The following WT1 variants were observed in gnomAD, a reference collection of about 807,000 sequenced individuals.
WT1 encodes WT1 transcription factor, also known as Wilms tumor protein.
A neutral mutation model predicts 60.8 loss-of-function variants in WT1; 8 were observed. The ratio of observed to expected loss-of-function variants is 0.13; its 90% CI spans 0.08 to 0.24. The LOEUF (loss-of-function observed/expected upper bound fraction) is 0.24. WT1 is among the 10% of genes least tolerant of loss of function. The pLI, the probability that WT1 is intolerant of heterozygous loss-of-function variation, is 1.00. For synonymous variants in WT1, 312 were observed against 297.1 expected (o/e 1.05, Z -0.52); for missense variants, 568 against 711.8 (o/e 0.80, Z 2.30).
rs5030277 is a variant in WT1 at position 32,396,123 on chromosome 11, A to T, written c.1264+134T>A. 198,949 of 1,288,948 alleles carry T rather than the reference A, an allele frequency of 0.15. 22,395 individuals carry two copies. The highest frequency in any genetic ancestry group is 0.6 in the East Asian group (24,976 of 41,502). 79.8% of individuals were successfully genotyped at this position (1,288,948 alleles called of 1,614,324 possible). A position where few individuals can be genotyped will look rare whatever the true frequency, so the allele number is the denominator to read the frequency against. ...AAAATGGCCCCACAGCCTCTTTACAACACCTGGATCAGACCTTTCAAAGCA... is the reference window on the plus strand; with the variant it reads ...AAAATGGCCCCACAGCCTCTTTACATCACCTGGATCAGACCTTTCAAAGCA... On this transcript the variant is annotated intron_variant, in intron 7 of 9. Transcript: ENST00000452863.
At chr11:32,391,341 C>T (rs553220095) in intron 9 of WT1, among the ~76,000 whole-genome samples, 6 of 152,314 alleles carry the variant, frequency 3.9e-5, no homozygotes, top group South Asian at 2.1e-4. Context: ...TAAATATTAA[C>T]GCTCTTTCCA....
At chr11:32,430,432 CAGAGAGAGAGAGAGAGAGGGAGGG>C in intron 1 of WT1, 2 of 1,083,932 alleles carry the variant, frequency 1.8e-6, no homozygotes, top group Non-Finnish European at 2.5e-6. Context: ...GAGACAGACA[CAGAGAGAGAGAGAGAGAGGGAGGG>C]AGAGAGAGAG....
At chr11:32,401,209 G>T (rs1852144241) in intron 5 of WT1, among the ~76,000 whole-genome samples, 1 of 152,186 alleles carries the variant, frequency 6.6e-6, no homozygotes, top group Admixed American at 6.5e-5. Flanking sequence ...CTACAATATG[G>T]ATGAACCTTT....
At chr11:32,399,503 T>C (rs1250890129) in intron 6 of WT1, among the ~76,000 whole-genome samples, 3 of 152,182 alleles carry the variant, frequency 2.0e-5, no homozygotes, top group Admixed American at 1.3e-4. Context: ...GCCTAGTATA[T>C]AGAAAATGTC....
rs189447930 is a variant in WT1, at chr11:32,434,503, A to G, written c.661+197T>C. On this transcript the variant is annotated intron_variant, in intron 1 of 9. Transcript: ENST00000452863. ...TCCTAGCTCTGCCTGGCTTTGGAGG[A>G]TGTCGGGGGCCAGTGCCTGCGTGCA... is the stretch of plus-strand genomic sequence containing the variant. 1.9e-3 allele frequency among the ~76,000 whole-genome samples: 284 copies of G among 152,166 alleles called. 1 individual carries two copies. Among genetic ancestry groups the G allele is most frequent in the African/African-American group, 6.5e-3 (270 of 41,500 alleles).
chr11:32,400,163 T>A, intron 5 of WT1, 119 bp from the exon 6 acceptor site: 1 of 1,295,618 alleles, frequency 7.7e-7, no homozygotes, highest in Non-Finnish European at 1.1e-6. Flanking sequence ...AAATAGTTGG[T>A]TTTTGCCTCC....
At chr11:32,396,123 A>G (rs5030277) in intron 7 of WT1, 134 bp downstream of exon 7, 5 of 1,290,320 alleles carry the variant, frequency 3.9e-6, no homozygotes, top group South Asian at 3.7e-5. Flanking sequence ...CCTCTTTACA[A>G]CACCTGGATC....
At chr11:32,411,632 A>T (rs1182889472) in intron 5 of WT1, among the ~76,000 whole-genome samples, 1 of 152,214 alleles carries the variant, frequency 6.6e-6, no homozygotes. Context: ...TAATAAAAAA[A>T]TTCAATACAT....
At chr11:32,427,544 C>T (rs1397768156) in intron 3 of WT1, among the ~76,000 whole-genome samples, 3 of 152,198 alleles carry the variant, frequency 2.0e-5, no homozygotes, top group African/African-American at 7.2e-5. Flanking sequence ...GTGGCCAAGG[C>T]TGTGGCCGAA....
At chr11:32,400,510 T>C (rs1182401613) in intron 5 of WT1, 1 of 308,390 alleles carries the variant, frequency 3.2e-6, no homozygotes, top group Non-Finnish European at 6.4e-6. Context: ...AGAGATGTCA[T>C]GTCCTCAGAA....
At chr11:32,398,072 AG>A (rs1852027514) in intron 6 of WT1, among the ~76,000 whole-genome samples, 1 of 152,210 alleles carries the variant, frequency 6.6e-6, no homozygotes, top group Non-Finnish European at 1.5e-5. Context: ...TGTATTCGTC[AG>A]GGGAGAGGCT....
chr11:32,434,315 T>C (rs1371166762), intron 1 of WT1, among the ~76,000 whole-genome samples: 1 of 152,200 alleles, frequency 6.6e-6, no homozygotes, highest in Non-Finnish European at 1.5e-5. Context: ...GCGCTACGCT[T>C]GGTGACAATT....
chr11:32,433,741 A>AT (rs1393392895), intron 1 of WT1, among the ~76,000 whole-genome samples: 1 of 152,254 alleles, frequency 6.6e-6, no homozygotes, highest in Non-Finnish European at 1.5e-5. Flanking sequence ...GTGGGCGGGC[A>AT]TCGGCGCGGG....
intron 7 of WT1, among the ~76,000 whole-genome samples, chr11:32,395,093 C>T (rs995250370): frequency 3.3e-5 from 5 of 152,252 alleles, no homozygotes; most frequent in African/African-American, 1.2e-4. Context: ...GAATTGCATC[C>T]TCTGGACACA....
In WT1 at chr11:32,417,680, A is replaced by G. The variant is rs367973670; in HGVS notation, c.888-26T>C. The G allele has an allele frequency of 4.4e-6, 7 of 1,590,406 alleles. No homozygotes were observed. In the African/African-American group the frequency reaches 8.1e-5, roughly 18 times the overall value. On this transcript the variant is annotated intron_variant, in intron 3 of 9. Transcript: ENST00000452863. ...CTGTTAGAAAAACATCTAGAGTTAGAAACACATAACCACAAAATAATACAC... is the reference window on the plus strand; with the variant it reads ...CTGTTAGAAAAACATCTAGAGTTAGGAACACATAACCACAAAATAATACAC...
intron 6 of WT1, among the ~76,000 whole-genome samples, chr11:32,398,275 T>C (rs917022128): frequency 2.6e-5 from 4 of 152,138 alleles, no homozygotes; most frequent in Non-Finnish European, 5.9e-5. Context: ...ACAACTTATA[T>C]CTAGAGTACT....
intron 7 of WT1, among the ~76,000 whole-genome samples, chr11:32,393,681 A>T (rs1353871922): frequency 6.6e-6 from 1 of 152,176 alleles, no homozygotes; most frequent in Non-Finnish European, 1.5e-5. Context: ...CTCTGCTCAC[A>T]CTAAATGTCC....
At chr11:32,407,401 T>C (rs1030063132) in intron 5 of WT1, among the ~76,000 whole-genome samples, 5 of 151,960 alleles carry the variant, frequency 3.3e-5, no homozygotes, top group Non-Finnish European at 5.9e-5. Context: ...GAATCCCTTA[T>C]CAACAGAAGA....
chr11:32,415,541 G>A (rs1852640082), intron 5 of WT1, among the ~76,000 whole-genome samples: 1 of 152,180 alleles, frequency 6.6e-6, no homozygotes, highest in Non-Finnish European at 1.5e-5. Context: ...CCAGCTACTG[G>A]GGAGGCTGAG....
Sources: allele counts gnomAD v4.1 joint callset (sites outside exome capture counted in the v4.1 genomes callset), GRCh38; gene constraint gnomAD v4.1.1; transcripts MANE v1.5; gene names NCBI Gene and HGNC (gene_info 2026-07-23, HGNC 2026-07-21).